CCR1: variants seen among roughly 807,000 people sequenced by gnomAD.
CCR1 encodes C-C chemokine receptor type 1.
Under a neutral mutation model 0.3 loss-of-function variants are expected in CCR1, and 1 was observed. The observed-to-expected ratio is 3.70, with a 90% CI of 1.31 to 17.54. The LOEUF is 17.54. CCR1 is among the 30% of genes most tolerant of loss of function. CCR1 has a pLI of 0.11. For synonymous variants in CCR1, 207 were observed against 182.5 expected, an observed-to-expected ratio of 1.13 and a Z score of -1.08; for missense variants, 349 against 435.4, an observed-to-expected ratio of 0.80 and a Z score of 1.77.
At chr3:46,204,428 C>A in intron 1 of CCR1, 104 bp from the exon 2 acceptor site, 1 of 720,838 alleles carries the variant, frequency 1.4e-6, no homozygotes, top group East Asian at 2.7e-5. Context: ...TTCAGCCACT[C>A]CATAAATGTT....
rs137916685 is a variant in CCR1, at chr3:46,203,429, A to G, written c.885T>C (p.Cys295=). Residue 295 remains cysteine (C), a synonymous_variant, in exon 2 of 2, where the codon TGT becomes TGC. Coordinates refer to ENST00000296140, the MANE Select transcript of CCR1 (RefSeq NM_001295.3). This position sits in a 1 kb window ranked among gnomAD's most constrained non-coding sequence, Gnocchi z 4.5. ...VTEVIAYTHC[C]VNPVIYAFVG... ...CGAAGGCGTAGATCACTGGGTTGAC[A>G]CAGCAGTGCGTGTAGGCGATCACCT... 3.1e-4 allele frequency: 497 copies of G among 1,614,206 alleles called. 5 individuals are homozygous for G. The East Asian group carries it at 0.01, about 33-fold the overall frequency.
Position 46,203,497 on chromosome 3 carries a change from A to G in CCR1, c.817T>C (p.Cys273Arg). The change falls in exon 2 of 2, where the codon TGT becomes CGT. Residue 273 changes from cysteine (C) to arginine (R), a missense_variant. Cys to Arg is a radical substitution (Grantham distance 180). Transcript: ENST00000296140. This position sits in a 1 kb window ranked among gnomAD's most constrained non-coding sequence, Gnocchi z 4.5. ...AGGTCCAAATGTCTGCTCTGCTCAC[A>G]CTCATGGGTGAACAGGAAGTCTTGG... ...VFQDFLFTHE[C>R]EQSRHLDLAV... 6.2e-7 allele frequency: 1 copy of G among 1,613,980 alleles called. No homozygotes were observed. The highest frequency in any genetic ancestry group is 1.1e-5 in the South Asian group (1 of 91,080).
In CCR1 at chr3:46,203,387, C is replaced by T; in HGVS notation, c.927G>A (p.Arg309=). The T allele has an allele frequency of 6.2e-7, 1 of 1,614,172 alleles. No homozygotes were observed. The highest frequency in any genetic ancestry group is 8.5e-7 in the Non-Finnish European group (1 of 1,180,030). ...TGTGGAACAACTGCCGCAGGTACTT[C>T]CGGAACCTCTCACCAACGAAGGCGT... is the stretch of plus-strand genomic sequence containing the variant. ...VIYAFVGERF[R]KYLRQLFHRR... is the part of the protein sequence containing the mutation. The change falls in exon 2 of 2, where the codon CGG becomes CGA. Residue 309 remains arginine (R), a synonymous_variant. Transcript: ENST00000296140. This position sits in a 1 kb window ranked among gnomAD's most constrained non-coding sequence, Gnocchi z 4.5.
In CCR1 at chr3:46,203,494, C is replaced by T. The variant is rs1330317860; in HGVS notation, c.820G>A (p.Glu274Lys). ...GCCAGGTCCAAATGTCTGCTCTGCT[C>T]ACACTCATGGGTGAACAGGAAGTCT... ...FQDFLFTHECEQSRHLDLAVQ... is the reference protein window; with the variant it reads ...FQDFLFTHECKQSRHLDLAVQ... Residue 274 changes from glutamate to lysine, a missense_variant, in exon 2 of 2, where the codon GAG becomes AAG. Transcript: ENST00000296140. This position sits in a 1 kb window ranked among gnomAD's most constrained non-coding sequence, Gnocchi z 4.5. 2.5e-6 allele frequency: 4 copies of T among 1,614,170 alleles called. No individual in the cohort carries two copies. The highest frequency in any genetic ancestry group is 2.5e-6 in the Non-Finnish European group (3 of 1,180,024).
At position 46,204,143 on chromosome 3, in the gene CCR1, C is replaced by T; in HGVS notation, c.171G>A (p.Leu57=). The change falls in exon 2 of 2, where the codon CTG becomes CTA. Residue 57 remains leucine (L), a synonymous_variant. Transcript: ENST00000296140. ...IGLVGNILVV[L]VLVQYKRLKN... is the part of the protein sequence containing the mutation. ...TTAGCCTCTTGTATTGCACAAGGAC[C>T]AGGACCACCAGGATGTTTCCAACCA... 1 of 1,614,070 alleles carries T rather than the reference C, an allele frequency of 6.2e-7. No individual in the cohort carries two copies. The highest frequency in any genetic ancestry group is 8.5e-7 in the Non-Finnish European group (1 of 1,180,008).
In CCR1 at chr3:46,202,042, C is replaced by G. The variant is rs192816182; in HGVS notation, c.*1204G>C. The stretch of plus-strand genomic sequence containing the variant: ...ACAAAGGCATGATAAATAAGGGGTC[C>G]TTGGTTGGAGATGATGCATCCAGAA... On this transcript the variant is annotated 3_prime_UTR_variant, in exon 2 of 2. Transcript: ENST00000296140. The G allele has an allele frequency of 2.0e-5, 3 of 152,150 alleles. No homozygotes were observed. The highest frequency in any genetic ancestry group is 2.0e-4 in the Admixed American group (3 of 15,280). The allele number at this position is 152,150 out of a possible 1,614,324, so 9.4% of individuals were successfully genotyped here. A position where few individuals can be genotyped will look rare whatever the true frequency, so the allele number is the denominator to read the frequency against.
rs574651882 is a variant in CCR1 at position 46,202,724 on chromosome 3, C to T, written c.*522G>A. Reference sequence around the variant, plus strand: ...CTGGCTACTGATTGGCTCTGGGACTCAGAGTGGAGTCACTGTGGAAATCAC... The same window carrying T: ...CTGGCTACTGATTGGCTCTGGGACTTAGAGTGGAGTCACTGTGGAAATCAC... On this transcript the variant is annotated 3_prime_UTR_variant, in exon 2 of 2. Transcript: ENST00000296140. 1.9e-4 allele frequency: 28 copies of T among 145,994 alleles called. No homozygotes were observed. The highest frequency in any genetic ancestry group is 7.0e-4 in the African/African-American group (27 of 38,846). The allele number at this position is 145,994 out of a possible 1,614,324, so 9.0% of individuals were successfully genotyped here. A position where few individuals can be genotyped will look rare whatever the true frequency, so the allele number is the denominator to read the frequency against.
At chr3:46,204,407 G>A (rs1291900063) in intron 1 of CCR1, 83 bp from the exon 2 acceptor site, 1 of 886,984 alleles carries the variant, frequency 1.1e-6, no homozygotes, top group Non-Finnish European at 1.7e-6. Context: ...ACAAGGGAGA[G>A]GTAACATTTT....
chr3:46,206,364 A>G (rs372353625), intron 1 of CCR1, among the ~76,000 whole-genome samples: 65 of 152,302 alleles, frequency 4.3e-4, no homozygotes, highest in East Asian at 3.9e-3. Flanking sequence ...GAGAGATCCA[A>G]TCAGCCCTCT....
chr3:46,205,954 C>A (rs79912085), intron 1 of CCR1, among the ~76,000 whole-genome samples: 1 of 152,044 alleles, frequency 6.6e-6, no homozygotes, highest in Admixed American at 6.5e-5. Context: ...CTGTCTCCCA[C>A]CCCCCTGCCA....
intron 1 of CCR1, among the ~76,000 whole-genome samples, chr3:46,206,245 G>A (rs543272477): frequency 1.3e-5 from 2 of 152,180 alleles, no homozygotes; most frequent in African/African-American, 4.8e-5. Flanking sequence ...TAAGGCACAT[G>A]GAGGGTATAG....
At chr3:46,207,017 C>A (rs765730584) in intron 1 of CCR1, among the ~76,000 whole-genome samples, 5 of 152,184 alleles carry the variant, frequency 3.3e-5, no homozygotes, top group Non-Finnish European at 7.3e-5. Flanking sequence ...ATGCCAATTG[C>A]GTGCATCTCT....
Position 46,204,114 on chromosome 3 carries a change from T to G in CCR1, c.200A>C (p.Asn67Thr). Residue 67 changes from asparagine to threonine, a missense_variant, in exon 2 of 2, where the codon AAC becomes ACC. Coordinates refer to ENST00000296140, the MANE Select transcript of CCR1 (RefSeq NM_001295.3). The part of the protein sequence containing the change: ...LVLVQYKRLK[N>T]MTSIYLLNLA... The stretch of plus-strand genomic sequence containing the variant: ...GTTCAGGAGGTAGATGCTGGTCATG[T>G]TTTTTAGCCTCTTGTATTGCACAAG... The G allele has an allele frequency of 6.2e-7, 1 of 1,614,114 alleles. No individual in the cohort carries two copies. Among genetic ancestry groups the G allele is most frequent in the South Asian group, 1.1e-5 (1 of 91,086 alleles).
chr3:46,203,726 C>A lies in CCR1; in HGVS notation c.588G>T (p.Lys196Asn). ...HFPHESLREWKLFQALKLNLF... is the reference protein window; with the variant it reads ...HFPHESLREWNLFQALKLNLF... Reference sequence around the variant, plus strand: ...GGTTCAGTTTCAGAGCCTGAAACAGCTTCCACTCTCGTAGGCTTTCGTGAG... The same window carrying A: ...GGTTCAGTTTCAGAGCCTGAAACAGATTCCACTCTCGTAGGCTTTCGTGAG... Residue 196 changes from lysine to asparagine, a missense_variant, in exon 2 of 2, where the codon AAG becomes AAT. Lys to Asn is a moderately conservative substitution (Grantham distance 94, BLOSUM62 0). Coordinates refer to ENST00000296140, the MANE Select transcript of CCR1 (RefSeq NM_001295.3). This position sits in a 1 kb window ranked among gnomAD's most constrained non-coding sequence, Gnocchi z 4.5. The A allele has an allele frequency of 6.2e-7, 1 of 1,614,104 alleles. No homozygotes were observed. Among genetic ancestry groups the A allele is most frequent in the Non-Finnish European group, 8.5e-7 (1 of 1,179,966 alleles).
chr3:46,207,975 C>A (rs995927579), intron 1 of CCR1, among the ~76,000 whole-genome samples: 1 of 152,184 alleles, frequency 6.6e-6, no homozygotes, highest in African/African-American at 2.4e-5. Context: ...CCACAGAAAA[C>A]ACCTTTTGTC....
rs1699605458 is a variant in CCR1 at position 46,202,523 on chromosome 3, A to G, written c.*723T>C. 6.6e-6 allele frequency: 1 copy of G among 152,162 alleles called. No individual in the cohort carries two copies. The highest frequency in any genetic ancestry group is 1.9e-4 in the East Asian group (1 of 5,182). 9.4% of individuals were successfully genotyped at this position (152,162 alleles called of 1,614,324 possible). Reference sequence around the variant, plus strand: ...GGCCCGTGCTTAGCCCACTCCCTGAATTGTTTGATTTTAGTGGATATAAAA... The same window carrying G: ...GGCCCGTGCTTAGCCCACTCCCTGAGTTGTTTGATTTTAGTGGATATAAAA... On this transcript the variant is annotated 3_prime_UTR_variant, in exon 2 of 2. Coordinates refer to ENST00000296140, the MANE Select transcript of CCR1 (RefSeq NM_001295.3).
At chr3:46,205,447 C>T (rs1465723427) in intron 1 of CCR1, among the ~76,000 whole-genome samples, 1 of 152,170 alleles carries the variant, frequency 6.6e-6, no homozygotes, top group Non-Finnish European at 1.5e-5. Context: ...GAGATAAGCT[C>T]TTAGATATTT....
In CCR1 at chr3:46,203,827, A is replaced by G. The variant is rs762350886; in HGVS notation, c.487T>C (p.Leu163=). 9 of 1,614,106 alleles carry G rather than the reference A, an allele frequency of 5.6e-6. No homozygotes were observed. Among genetic ancestry groups the G allele is most frequent in the African/African-American group, 2.7e-5 (2 of 74,942 alleles). The change falls in exon 2 of 2, where the codon TTG becomes CTG. Residue 163 remains leucine, a synonymous_variant. Transcript: ENST00000296140. The surrounding 1 kb of genome is among the most constrained non-coding windows in gnomAD (Gnocchi z 4.5). ...TSIIIWALAI[L]ASMPGLYFSK... ...AAGTATAAGCCTGGCATGGAAGCCA[A>G]GATGGCCAGGGCCCAAATGATGATG...
Position 46,201,751 on chromosome 3 carries a change from C to T in CCR1, c.*1495G>A, listed in dbSNP as rs1184640372. 1 of 152,212 alleles carries T rather than the reference C, an allele frequency of 6.6e-6. No homozygotes were observed. Among genetic ancestry groups the T allele is most frequent in the Non-Finnish European group, 1.5e-5 (1 of 68,022 alleles). The allele number at this position is 152,212 out of a possible 1,614,324, so 9.4% of individuals were successfully genotyped here. ...TATTCACCTGGGAAAGTGATCACAA[C>T]TTGCTGCTAATTAAAACCAACAATA... On this transcript the variant is annotated 3_prime_UTR_variant, in exon 2 of 2. Coordinates refer to ENST00000296140, the MANE Select transcript of CCR1 (RefSeq NM_001295.3).
Sources: gnomAD v4.1 joint callset for allele counts (sites outside exome capture counted in the v4.1 genomes callset) on GRCh38, gnomAD v4.1.1 for gene constraint, Gnocchi (gnomAD v3.1) non-coding constraint, MANE v1.5 for transcripts, NCBI Gene and HGNC (gene_info 2026-07-23, HGNC 2026-07-21) for gene names.